SHANK2: variants seen among roughly 807,000 people sequenced by gnomAD.
SHANK2 encodes the protein SH3 and multiple ankyrin repeat domains 2.
SHANK2 carries 43 observed loss-of-function variants against 133.7 expected under a neutral mutation model. The ratio of observed to expected loss-of-function variants is 0.32; its 90% CI spans 0.25 to 0.41. The LOEUF (loss-of-function observed/expected upper bound fraction) is 0.41, where lower values mean the gene tolerates loss of function less well. SHANK2 is among the 10% of genes least tolerant of loss of function. The pLI is 1.00. For synonymous variants in SHANK2, 1,017 were observed against 952.8 expected, an observed-to-expected ratio of 1.07 and a Z score of -1.24; for missense variants, 1,994 against 2,235.8, an observed-to-expected ratio of 0.89 and a Z score of 2.18.
intron 17 of SHANK2, among the ~76,000 whole-genome samples, chr11:70,615,414 A>C (rs549155624): frequency 1.3e-5 from 2 of 152,264 alleles, no homozygotes; most frequent in African/African-American, 4.8e-5. Context: ...GCTGACTGGA[A>C]TAGCCTGAGC....
chr11:70,579,312 A>G (rs941539392), intron 17 of SHANK2, among the ~76,000 whole-genome samples: 1 of 152,200 alleles, frequency 6.6e-6, no homozygotes, highest in Admixed American at 6.5e-5. Flanking sequence ...AAAGTCCCTC[A>G]TAGGAGCATG....
intron 10 of SHANK2, among the ~76,000 whole-genome samples, chr11:70,923,454 C>T (rs1194994463): frequency 6.6e-6 from 1 of 152,130 alleles, no homozygotes; most frequent in Non-Finnish European, 1.5e-5. Context: ...TGTTGCCAGG[C>T]TGGTCTCAAA....
intron 2 of SHANK2, among the ~76,000 whole-genome samples, chr11:71,216,037 G>A (rs1349501722): frequency 5.3e-4 from 5 of 9,364 alleles, no homozygotes; most frequent in Non-Finnish European, 1.9e-3. Flanking sequence ...GAGGTCCAAC[G>A]GCGCAGCCAC....
chr11:70,504,775 C>A (rs189529270), intron 17 of SHANK2, among the ~76,000 whole-genome samples: 19 of 151,684 alleles, frequency 1.3e-4, no homozygotes, highest in Middle Eastern at 3.4e-3. Flanking sequence ...GGAGCCGGAT[C>A]GAGGAAGACA....
intron 15 of SHANK2, among the ~76,000 whole-genome samples, chr11:70,678,816 C>G (rs1285194565): frequency 2.0e-5 from 3 of 152,206 alleles, no homozygotes; most frequent in Non-Finnish European, 4.4e-5. Context: ...GCTAGGATTA[C>G]AGGCATGACC....
chr11:70,900,091 C>T (rs1366365906), intron 10 of SHANK2, among the ~76,000 whole-genome samples: 4 of 152,226 alleles, frequency 2.6e-5, no homozygotes, highest in African/African-American at 9.6e-5. Flanking sequence ...CGCTGCGGCT[C>T]ACACCTGTAA....
intron 9 of SHANK2, among the ~76,000 whole-genome samples, chr11:71,059,250 TAG>T (rs1379058268): frequency 6.6e-6 from 1 of 151,922 alleles, no homozygotes; most frequent in African/African-American, 2.4e-5. Flanking sequence ...AAAATAAAAA[TAG>T]AGAGCTGAAA....
rs574397010 is a variant in SHANK2, at chr11:70,738,125, T to C, written c.1778-39362A>G. ...TGGCTGAAAGCCCCGAAATCTGTCC[T>C]GACACCAAAGCAACCATGCATCGCA... On this transcript the variant is annotated intron_variant, in intron 14 of 25. Transcript: ENST00000601538. Among the ~76,000 whole-genome samples, 34 of 152,382 alleles carry C rather than the reference T, an allele frequency of 2.2e-4. No individual in the cohort carries two copies. In the Middle Eastern group the frequency reaches 0.014, roughly 61 times the overall value.
At chr11:71,246,756 G>A (rs1378323387) in intron 1 of SHANK2, among the ~76,000 whole-genome samples, 1 of 152,082 alleles carries the variant, frequency 6.6e-6, no homozygotes, top group African/African-American at 2.4e-5. Context: ...AGGGGGTGGT[G>A]CAGCTCCAGG....
At chr11:70,791,554 G>T (rs11237503) in intron 14 of SHANK2, among the ~76,000 whole-genome samples, 1 of 152,048 alleles carries the variant, frequency 6.6e-6, no homozygotes, top group Non-Finnish European at 1.5e-5. Context: ...CTCTTCATAC[G>T]CATCATCTCC....
rs376229490 is a variant in SHANK2, at chr11:70,487,556, T to C, written c.2737A>G (p.Thr913Ala). The part of the protein sequence containing the change: ...PTTYNCPKSP[T>A]PRVYGTIKPA... Reference sequence around the variant, plus strand: ...TTAATCGTCCCGTAGACTCTTGGAGTTGGGGACTTGGGGCAGTTGTAAGTG... The same window carrying C: ...TTAATCGTCCCGTAGACTCTTGGAGCTGGGGACTTGGGGCAGTTGTAAGTG... The change falls in exon 25 of 26, where the codon ACT becomes GCT. Residue 913 changes from threonine to alanine, a missense_variant. Thr to Ala is a moderately conservative substitution (Grantham distance 58, BLOSUM62 0). This residue lies in a region of SHANK2 where 488 missense variants were observed against 642.6 expected (regional missense o/e 0.76). Transcript: ENST00000601538. This position sits in a 1 kb window ranked among gnomAD's most constrained non-coding sequence, Gnocchi z 5.8. 7.4e-6 allele frequency: 12 copies of C among 1,613,028 alleles called. No homozygotes were observed. The highest frequency in any genetic ancestry group is 1.0e-5 in the Non-Finnish European group (12 of 1,179,784).
intron 11 of SHANK2, among the ~76,000 whole-genome samples, chr11:70,867,193 T>G (rs1190586807): frequency 6.6e-6 from 1 of 151,364 alleles, no homozygotes; most frequent in Non-Finnish European, 1.5e-5. Flanking sequence ...TCTCAAGTTC[T>G]AGAATACGAA....
chr11:70,820,116 T>A lies in SHANK2; in HGVS notation c.1493+248A>T, dbSNP rs184457411. ...CCCAGTCCACCCCAGGATGCTCAGCTCAGCCTGCACACCTGCCCCGAGCTT... is the reference window on the plus strand; with the variant it reads ...CCCAGTCCACCCCAGGATGCTCAGCACAGCCTGCACACCTGCCCCGAGCTT... On this transcript the variant is annotated intron_variant, in intron 12 of 25. Coordinates refer to ENST00000601538, the MANE Select transcript of SHANK2 (RefSeq NM_012309.5). 3.4e-4 allele frequency among the ~76,000 whole-genome samples: 51 copies of A among 152,234 alleles called. 1 individual carries two copies. Among genetic ancestry groups the A allele is most frequent in the African/African-American group, 1.2e-3 (50 of 41,552 alleles).
intron 17 of SHANK2, among the ~76,000 whole-genome samples, chr11:70,607,996 G>A (rs1554993002): frequency 1.3e-5 from 2 of 152,234 alleles, no homozygotes; most frequent in African/African-American, 4.8e-5. Context: ...GAGAGGCTGA[G>A]TGGCTTGCCC....
Position 70,486,807 on chromosome 11 carries a change from C to T in SHANK2, c.3486G>A (p.Glu1162=), listed in dbSNP as rs1555153912. 6.2e-7 allele frequency: 1 copy of T among 1,612,276 alleles called. No individual in the cohort carries two copies. Among genetic ancestry groups the T allele is most frequent in the Non-Finnish European group, 8.5e-7 (1 of 1,179,934 alleles). The part of the protein sequence containing the change: ...EPENHFVGGA[E]ASAPGEAGRP... ...TCCCAGCCTCACCCGGAGCACTGGC[C>T]TCGGCGCCACCCACGAAATGGTTTT... Residue 1162 remains glutamate, a synonymous_variant, in exon 25 of 26, where the codon GAG becomes GAA. Coordinates refer to ENST00000601538, the MANE Select transcript of SHANK2 (RefSeq NM_012309.5). The surrounding 1 kb of genome is among the most constrained non-coding windows in gnomAD (Gnocchi z 8.0).
chr11:70,707,022 G>T (rs957821133), intron 14 of SHANK2, among the ~76,000 whole-genome samples: 3 of 152,094 alleles, frequency 2.0e-5, no homozygotes. Context: ...GACACTGAAA[G>T]GCCAAAAGCT....
chr11:70,870,928 C>T (rs560961895), intron 11 of SHANK2, among the ~76,000 whole-genome samples: 2 of 152,314 alleles, frequency 1.3e-5, no homozygotes, highest in African/African-American at 4.8e-5. Context: ...CAGGCACCCG[C>T]CACCACGCCC....
At chr11:70,629,716 C>T (rs1482948030) in intron 17 of SHANK2, among the ~76,000 whole-genome samples, 2 of 152,160 alleles carry the variant, frequency 1.3e-5, no homozygotes, top group Admixed American at 6.5e-5. Flanking sequence ...CACGGGACAC[C>T]AGGGAGCACC....
intron 10 of SHANK2, among the ~76,000 whole-genome samples, chr11:70,924,660 T>C (rs1210825267): frequency 6.6e-6 from 1 of 152,084 alleles, no homozygotes; most frequent in African/African-American, 2.4e-5. Flanking sequence ...TTTCGCCATG[T>C]TGGCCAGGCT....
Sources: gnomAD v4.1 joint callset for allele counts (sites outside exome capture counted in the v4.1 genomes callset) on GRCh38, gnomAD v4.1.1 for gene constraint, gnomAD v4.1.1 regional missense constraint, Gnocchi (gnomAD v3.1) non-coding constraint, MANE v1.5 for transcripts, NCBI Gene and HGNC (gene_info 2026-07-23, HGNC 2026-07-21) for gene names.